The following UNC5C variants were observed in gnomAD, a reference collection of about 807,000 sequenced individuals.
UNC5C encodes the protein netrin receptor UNC5C.
A neutral mutation model predicts 99.8 loss-of-function variants in UNC5C; 47 were observed. The observed-to-expected ratio is 0.47, with a 90% confidence interval of 0.37 to 0.60. UNC5C has a LOEUF of 0.60. Among genes scored for constraint, UNC5C ranks in the 20% least tolerant of loss-of-function variants. The pLI is 0.00. For synonymous variants in UNC5C, 487 were observed against 452.2 expected (o/e 1.08, Z -0.98); for missense variants, 1,062 against 1,165.9 (o/e 0.91, Z 1.30).
rs966421678 is a variant in UNC5C at position 95,296,178 on chromosome 4, G to C, written c.490+5428C>G. On this transcript the variant is annotated intron_variant, in intron 3 of 15. Coordinates refer to ENST00000453304, the MANE Select transcript of UNC5C (RefSeq NM_003728.4). ...TGATAAGGATCAGCCTGTACAGAGA[G>C]AATTTGAAAATTCAACCTTTTTTGT... is the stretch of plus-strand genomic sequence containing the variant. Among the ~76,000 whole-genome samples the C allele has an allele frequency of 2.6e-5, 4 of 152,304 alleles. No individual in the cohort carries two copies. The South Asian group carries it at 6.2e-4, about 24-fold the overall frequency.
At chr4:95,212,365 A>G (rs1738101228) in intron 10 of UNC5C, among the ~76,000 whole-genome samples, 2 of 151,794 alleles carry the variant, frequency 1.3e-5, no homozygotes, top group Non-Finnish European at 2.9e-5. Context: ...AGCCCTTTTT[A>G]CCTTTGATTT....
At chr4:95,240,469 A>G (rs1739287563) in intron 7 of UNC5C, among the ~76,000 whole-genome samples, 1 of 152,188 alleles carries the variant, frequency 6.6e-6, no homozygotes, top group South Asian at 2.1e-4. Flanking sequence ...ACTGGAGTGG[A>G]TACAGGAGGG....
At chr4:95,311,850 C>G (rs560763837) in intron 2 of UNC5C, among the ~76,000 whole-genome samples, 2 of 152,192 alleles carry the variant, frequency 1.3e-5, no homozygotes, top group African/African-American at 4.8e-5. Context: ...TCAAGACCAG[C>G]CTGGGCAACA....
chr4:95,333,142 C>T (rs1317719738), intron 2 of UNC5C, among the ~76,000 whole-genome samples: 2 of 152,124 alleles, frequency 1.3e-5, no homozygotes, highest in African/African-American at 4.8e-5. Context: ...ACTAGTTCAA[C>T]CATTGCGGAA....
intron 1 of UNC5C, among the ~76,000 whole-genome samples, chr4:95,517,505 C>CA (rs1184289968): frequency 6.6e-6 from 1 of 151,852 alleles, no homozygotes; most frequent in Non-Finnish European, 1.5e-5. Context: ...GAAACTTAAA[C>CA]AAAAAAGGAT....
chr4:95,219,524 A>G (rs564403006), intron 8 of UNC5C, among the ~76,000 whole-genome samples: 1 of 152,278 alleles, frequency 6.6e-6, no homozygotes, highest in East Asian at 1.9e-4. Context: ...CTCATTCTAT[A>G]ATTTGCTTTG....
chr4:95,187,605 A>T (rs958784503), intron 12 of UNC5C, among the ~76,000 whole-genome samples: 1 of 152,168 alleles, frequency 6.6e-6, no homozygotes, highest in African/African-American at 2.4e-5. Flanking sequence ...TCTTCATGGG[A>T]GTCAGCCCAA....
chr4:95,538,967 G>A (rs1483879332), intron 1 of UNC5C, among the ~76,000 whole-genome samples: 2 of 152,080 alleles, frequency 1.3e-5, no homozygotes, highest in Non-Finnish European at 2.9e-5. Context: ...CCACCAATAT[G>A]GCATATGAGG....
At chr4:95,522,791 G>C (rs1262722411) in intron 1 of UNC5C, among the ~76,000 whole-genome samples, 5 of 152,018 alleles carry the variant, frequency 3.3e-5, no homozygotes, top group Non-Finnish European at 7.4e-5. Context: ...GTTTTTATCT[G>C]TGCTTGGAAC....
At chr4:95,385,408 A>G (rs1267725659) in intron 1 of UNC5C, among the ~76,000 whole-genome samples, 7 of 152,214 alleles carry the variant, frequency 4.6e-5, no homozygotes, top group African/African-American at 1.4e-4. Flanking sequence ...TCACTAAATA[A>G]GTAACAACTA....
intron 1 of UNC5C, among the ~76,000 whole-genome samples, chr4:95,483,543 C>G (rs1721235867): frequency 6.6e-6 from 1 of 151,738 alleles, no homozygotes; most frequent in Non-Finnish European, 1.5e-5. Context: ...CAAATACAAT[C>G]CCATCCTAAG....
rs535533978 is a variant in UNC5C, at chr4:95,187,937, G to A, written c.2137-2741C>T. On this transcript the variant is annotated intron_variant, in intron 12 of 15. Coordinates refer to ENST00000453304, the MANE Select transcript of UNC5C (RefSeq NM_003728.4). ...AGGACACACCCATGCTTAGAGCAGA[G>A]GCTATAAACATGTTTGCCAGAATAG... 5.3e-5 allele frequency among the ~76,000 whole-genome samples: 8 copies of A among 152,218 alleles called. No homozygotes were observed. The East Asian group carries it at 1.4e-3, about 26-fold the overall frequency.
At chr4:95,373,277 C>G (rs1257887391) in intron 1 of UNC5C, among the ~76,000 whole-genome samples, 3 of 152,178 alleles carry the variant, frequency 2.0e-5, no homozygotes, top group Non-Finnish European at 4.4e-5. Context: ...CTAGAATGCC[C>G]TACATCTATA....
chr4:95,212,217 G>A (rs1738096194), intron 10 of UNC5C, among the ~76,000 whole-genome samples: 1 of 151,790 alleles, frequency 6.6e-6, no homozygotes, highest in East Asian at 1.9e-4. Context: ...ATTGCTAAGG[G>A]GATTCCACCA....
At chr4:95,396,116 A>T (rs1745501274) in intron 1 of UNC5C, among the ~76,000 whole-genome samples, 1 of 152,224 alleles carries the variant, frequency 6.6e-6, no homozygotes, top group Admixed American at 6.5e-5. Context: ...AACCCAGAGG[A>T]TATTAATAGG....
intron 2 of UNC5C, among the ~76,000 whole-genome samples, chr4:95,307,096 C>T (rs570216017): frequency 5.9e-5 from 9 of 152,120 alleles, no homozygotes; most frequent in African/African-American, 2.2e-4. Context: ...TCTTATAACT[C>T]TCGTTAAAGT....
intron 1 of UNC5C, among the ~76,000 whole-genome samples, chr4:95,369,137 G>A (rs908332093): frequency 1.3e-5 from 2 of 152,026 alleles, no homozygotes; most frequent in Admixed American, 6.6e-5. Flanking sequence ...GGGATTACAG[G>A]CATGAGCCAC....
At chr4:95,356,242 C>CA (rs1341489635) in intron 1 of UNC5C, among the ~76,000 whole-genome samples, 1 of 141,292 alleles carries the variant, frequency 7.1e-6, no homozygotes, top group Non-Finnish European at 1.5e-5. Flanking sequence ...ATTCCTCGTT[C>CA]TTCCTCATTC....
In UNC5C at chr4:95,537,102, A is replaced by G. The variant is rs77810400; in HGVS notation, c.124+11632T>C. 3.0e-3 allele frequency among the ~76,000 whole-genome samples: 451 copies of G among 152,292 alleles called. 2 individuals are homozygous for G. Among genetic ancestry groups the G allele is most frequent in the African/African-American group, 0.01 (435 of 41,574 alleles). ...TCTTTGCTTTCTCTTTTTCCAACAA[A>G]TGATGGGTTATGTGAGAGTTTTTTT... On this transcript the variant is annotated intron_variant, in intron 1 of 15. Coordinates refer to ENST00000453304, the MANE Select transcript of UNC5C (RefSeq NM_003728.4).
Sources: allele counts gnomAD v4.1 joint callset (sites outside exome capture counted in the v4.1 genomes callset), GRCh38; gene constraint gnomAD v4.1.1; transcripts MANE v1.5; gene names NCBI Gene and HGNC (gene_info 2026-07-23, HGNC 2026-07-21).